The following APBB1IP variants were observed in gnomAD, a reference collection of about 807,000 sequenced individuals.
The protein encoded by APBB1IP is amyloid beta precursor protein binding family B member 1 interacting protein.
APBB1IP carries 27 observed loss-of-function variants against 64.9 expected under a neutral mutation model. The ratio of observed to expected loss-of-function variants is 0.42; its 90% CI spans 0.31 to 0.57. The LOEUF (loss-of-function observed/expected upper bound fraction) is 0.57, where lower values mean the gene tolerates loss of function less well. Among genes scored for constraint, APBB1IP ranks in the 20% least tolerant of loss-of-function variants. APBB1IP has a pLI of 0.20. For synonymous variants in APBB1IP, 392 were observed against 331.0 expected, an observed-to-expected ratio of 1.18 and a Z score of -2.00; for missense variants, 812 against 845.5, an observed-to-expected ratio of 0.96 and a Z score of 0.49.
chr10:26,461,072 G>A (rs933790063), intron 2 of APBB1IP, among the ~76,000 whole-genome samples: 3 of 151,722 alleles, frequency 2.0e-5, no homozygotes, highest in Non-Finnish European at 4.4e-5. Context: ...CTATATTATA[G>A]GAACACATCA....
intron 2 of APBB1IP, among the ~76,000 whole-genome samples, chr10:26,480,620 C>CTTTT (rs535190399): frequency 2.3e-4 from 19 of 83,950 alleles, no homozygotes; most frequent in Non-Finnish European, 3.0e-4. Flanking sequence ...TGAGCTGCTT[C>CTTTT]TTTTTTTTTT....
chr10:26,453,484 G>T (rs1386165219), intron 2 of APBB1IP, among the ~76,000 whole-genome samples: 2 of 152,002 alleles, frequency 1.3e-5, no homozygotes, highest in Non-Finnish European at 2.9e-5. Context: ...CCTGCTCCTC[G>T]ACTAGAAGCA....
At chr10:26,504,914 C>T (rs371517567) in intron 6 of APBB1IP, among the ~76,000 whole-genome samples, 2 of 151,912 alleles carry the variant, frequency 1.3e-5, no homozygotes, top group African/African-American at 2.4e-5. Flanking sequence ...ACCACCATGC[C>T]GGCTGATTTA....
At chr10:26,456,018 T>C (rs1158358844) in intron 2 of APBB1IP, among the ~76,000 whole-genome samples, 8 of 152,176 alleles carry the variant, frequency 5.3e-5, no homozygotes, top group African/African-American at 4.8e-5. Flanking sequence ...TAATGTATCA[T>C]CCCATTGATA....
At chr10:26,508,682 A>G (rs1462173933) in intron 6 of APBB1IP, among the ~76,000 whole-genome samples, 1 of 152,138 alleles carries the variant, frequency 6.6e-6, no homozygotes, top group Non-Finnish European at 1.5e-5. Flanking sequence ...ACGTGAGGGA[A>G]GCTGTGAAGA....
intron 2 of APBB1IP, among the ~76,000 whole-genome samples, chr10:26,456,834 A>C (rs1161741404): frequency 1.3e-5 from 2 of 151,910 alleles, no homozygotes; most frequent in African/African-American, 4.8e-5. Flanking sequence ...GGAGATAGGA[A>C]GATGAAAAGT....
chr10:26,480,671 T>G (rs1835824858), intron 2 of APBB1IP, among the ~76,000 whole-genome samples: 1 of 147,648 alleles, frequency 6.8e-6, no homozygotes, highest in South Asian at 2.2e-4. Flanking sequence ...TTCCCCATGT[T>G]GCCCAGGCTG....
chr10:26,474,296 G>A (rs1372881973), intron 2 of APBB1IP, among the ~76,000 whole-genome samples: 4 of 152,142 alleles, frequency 2.6e-5, no homozygotes, highest in African/African-American at 9.7e-5. Flanking sequence ...TCAGTGGACA[G>A]GCCTGGTTTT....
intron 8 of APBB1IP, among the ~76,000 whole-genome samples, chr10:26,524,609 G>T (rs1450969506): frequency 6.6e-6 from 1 of 152,098 alleles, no homozygotes; most frequent in South Asian, 2.1e-4. Context: ...GGTATGCATT[G>T]GTTCCCAAAA....
rs374088812 is a variant in APBB1IP at position 26,533,395 on chromosome 10, G to A, written c.814-44G>A. On this transcript the variant is annotated intron_variant, in intron 8 of 14. Coordinates refer to ENST00000376236, the MANE Select transcript of APBB1IP (RefSeq NM_019043.4). ...GTGAGTTCCTTGCAGAGTCTAGTACGGTAATGAACACTTACTGATCTGATC... is the reference window on the plus strand; with the variant it reads ...GTGAGTTCCTTGCAGAGTCTAGTACAGTAATGAACACTTACTGATCTGATC... The A allele has an allele frequency of 2.7e-5, 34 of 1,239,132 alleles. No individual in the cohort carries two copies. In the Middle Eastern group the frequency reaches 5.9e-4, roughly 22 times the overall value. 76.8% of individuals were successfully genotyped at this position (1,239,132 alleles called of 1,614,324 possible).
chr10:26,567,181 A>G lies in APBB1IP; in HGVS notation c.1694A>G (p.Asp565Gly). 7.1e-7 allele frequency: 1 copy of G among 1,406,150 alleles called. No homozygotes were observed. The highest frequency in any genetic ancestry group is 1.4e-5 in the South Asian group (1 of 71,056). The allele number at this position is 1,406,150 out of a possible 1,614,324, so 87.1% of individuals were successfully genotyped here. ...PPPPPPPPLD[D>G]PELPPPPPDF... is the part of the protein sequence containing the mutation. ...CCGCCACCGCCGCCGCCCCTCGATGACCCTGAGCTCCCGCCGCCGCCCCCG... is the reference window on the plus strand; with the variant it reads ...CCGCCACCGCCGCCGCCCCTCGATGGCCCTGAGCTCCCGCCGCCGCCCCCG... The change falls in exon 15 of 15, where the codon GAC (aspartate) becomes GGC (glycine). Residue 565 changes from aspartate (D) to glycine (G), a missense_variant. Asp to Gly is a moderately conservative substitution (Grantham distance 94). Around this residue, in one of 3 missense-constraint regions of APBB1IP, gnomAD observed 381 missense variants for 352.1 expected, o/e 1.08. Coordinates refer to ENST00000376236, the MANE Select transcript of APBB1IP (RefSeq NM_019043.4).
At chr10:26,476,446 C>CAAAAAAAAAAAAAAAAAA (rs58548133) in intron 2 of APBB1IP, among the ~76,000 whole-genome samples, 8 of 78,210 alleles carry the variant, frequency 1.0e-4, no homozygotes, top group African/African-American at 3.8e-4. Flanking sequence ...GACCCTGTCT[C>CAAAAAAAAAAAAAAAAAA]AAAAAAAAAA....
chr10:26,512,039 A>T, intron 7 of APBB1IP, 133 bp downstream of exon 7: 2 of 1,088,150 alleles, frequency 1.8e-6, no homozygotes, highest in Non-Finnish European at 2.5e-6. Context: ...TATGCTGCCC[A>T]GGCTGATCTC....
At chr10:26,508,410 A>C (rs750297267) in intron 6 of APBB1IP, among the ~76,000 whole-genome samples, 9 of 152,058 alleles carry the variant, frequency 5.9e-5, no homozygotes, top group Non-Finnish European at 1.2e-4. Flanking sequence ...AAAAACAAAA[A>C]AAACCCCCCA....
intron 6 of APBB1IP, among the ~76,000 whole-genome samples, chr10:26,510,366 C>T (rs759232448): frequency 3.9e-5 from 6 of 152,164 alleles, no homozygotes; most frequent in Non-Finnish European, 8.8e-5. Context: ...TCCAAACCTA[C>T]AGATTTGGAA....
intron 2 of APBB1IP, among the ~76,000 whole-genome samples, chr10:26,469,209 TA>T (rs1405739938): frequency 6.6e-5 from 10 of 151,828 alleles, no homozygotes; most frequent in Admixed American, 5.9e-4. Context: ...TTTATATCCT[TA>T]TTCTATTTAT....
At chr10:26,480,541 C>T (rs1835822504) in intron 2 of APBB1IP, among the ~76,000 whole-genome samples, 1 of 151,430 alleles carries the variant, frequency 6.6e-6, no homozygotes, top group South Asian at 2.1e-4. Flanking sequence ...GGGAACTAAC[C>T]ATTGGATTTC....
In APBB1IP at chr10:26,517,264, A is replaced by G. The variant is rs114128770; in HGVS notation, c.813+3604A>G. On this transcript the variant is annotated intron_variant, in intron 8 of 14. Transcript: ENST00000376236. ...ACTCTGAATTTTTACAAAGTGAACC[A>G]ACCCATGTAATTACCACCCACATGA... Among the ~76,000 whole-genome samples the G allele has an allele frequency of 4.6e-3, 697 of 152,336 alleles. 5 individuals carry two copies. The highest frequency in any genetic ancestry group is 0.014 in the African/African-American group (598 of 41,580).
chr10:26,523,044 A>G (rs1344508401), intron 8 of APBB1IP, among the ~76,000 whole-genome samples: 1 of 151,850 alleles, frequency 6.6e-6, no homozygotes, highest in Non-Finnish European at 1.5e-5. Flanking sequence ...CAAGAAAAAA[A>G]CAATGGGGAG....
Sources: gnomAD v4.1 joint callset for allele counts (sites outside exome capture counted in the v4.1 genomes callset) on GRCh38, gnomAD v4.1.1 for gene constraint, gnomAD v4.1.1 regional missense constraint, MANE v1.5 for transcripts, NCBI Gene and HGNC (gene_info 2026-07-23, HGNC 2026-07-21) for gene names.